The following DAB1 variants were observed in gnomAD, a reference collection of about 807,000 sequenced individuals.
The protein encoded by DAB1 is disabled homolog 1.
In DAB1, 15 loss-of-function variants were observed where a neutral mutation model predicts 64.6. The observed-to-expected ratio is 0.23, with a 90% CI of 0.16 to 0.36. DAB1 has a LOEUF of 0.36. DAB1 is among the 10% of genes least tolerant of loss of function. The probability of loss-of-function intolerance (pLI) is 1.00; values close to 1 mark genes in which losing one functional copy is unlikely to be tolerated. For missense variants in DAB1, 596 were observed against 706.7 expected (o/e 0.84, Z 1.78); for synonymous variants, 235 against 251.9 (o/e 0.93, Z 0.64).
chr1:57,277,329 G>T (rs1452155431), intron 2 of DAB1, among the ~76,000 whole-genome samples: 1 of 152,160 alleles, frequency 6.6e-6, no homozygotes, highest in African/African-American at 2.4e-5. Context: ...TAAACTGAGA[G>T]TAATATTTAA....
intron 1 of DAB1, among the ~76,000 whole-genome samples, chr1:57,422,819 G>A (rs943491361): frequency 2.2e-4 from 33 of 152,274 alleles, no homozygotes; most frequent in African/African-American, 7.7e-4. Context: ...GATCCCTTGT[G>A]CCCACTGCCC....
intron 7 of DAB1, among the ~76,000 whole-genome samples, chr1:57,550,258 A>G (rs892838473): frequency 3.9e-5 from 6 of 152,198 alleles, no homozygotes; most frequent in African/African-American, 1.4e-4. Flanking sequence ...TCAGTATTGC[A>G]TGCCATTCAC....
intron 1 of DAB1, among the ~76,000 whole-genome samples, chr1:57,423,461 G>C (rs1165882492): frequency 6.6e-6 from 1 of 152,006 alleles, no homozygotes; most frequent in South Asian, 2.1e-4. Flanking sequence ...AAGTGAGAAC[G>C]GGGTTCGGCC....
chr1:57,373,129 G>A (rs1014165526), intron 1 of DAB1, among the ~76,000 whole-genome samples: 6 of 152,326 alleles, frequency 3.9e-5, no homozygotes, highest in Middle Eastern at 3.4e-3. Context: ...AGGCTGCAGC[G>A]AGCTGTGCTT....
intron 3 of DAB1, among the ~76,000 whole-genome samples, chr1:58,478,463 T>C (rs1018905262): frequency 2.6e-5 from 4 of 152,150 alleles, no homozygotes; most frequent in African/African-American, 9.7e-5. Context: ...ATGCTTTAAG[T>C]ATATCATTTC....
chr1:57,197,046 G>A (rs896943341), intron 2 of DAB1, among the ~76,000 whole-genome samples: 3 of 152,134 alleles, frequency 2.0e-5, no homozygotes, highest in African/African-American at 2.4e-5. Flanking sequence ...CAGAAAGTTC[G>A]ATAACTTGGC....
intron 9 of DAB1, chr1:57,033,666 A>T (rs1479303205): frequency 3.9e-6 from 5 of 1,272,360 alleles, no homozygotes; most frequent in Non-Finnish European, 4.5e-6. Context: ...TCTATGGTTC[A>T]CACTTCCGTG....
At chr1:57,370,642 A>C (rs1680425247) in intron 1 of DAB1, among the ~76,000 whole-genome samples, 1 of 150,844 alleles carries the variant, frequency 6.6e-6, no homozygotes, top group South Asian at 2.1e-4. Context: ...GTAACCCTGG[A>C]GTGATTTCAT....
chr1:57,813,089 A>G (rs1173865275), intron 6 of DAB1, among the ~76,000 whole-genome samples: 1 of 152,262 alleles, frequency 6.6e-6, no homozygotes, highest in Non-Finnish European at 1.5e-5. Context: ...CATATATATC[A>G]TTATGTATTC....
At chr1:57,017,464 C>T (rs1646471330) in intron 11 of DAB1, among the ~76,000 whole-genome samples, 1 of 152,150 alleles carries the variant, frequency 6.6e-6, no homozygotes, top group Admixed American at 6.5e-5. Context: ...TGCCTCACTC[C>T]ATGCTCAAGT....
intron 1 of DAB1, among the ~76,000 whole-genome samples, chr1:58,536,162 G>A (rs17506467): frequency 0.12 from 17,692 of 152,060 alleles, 1,230 homozygotes; most frequent in African/African-American, 0.18. Context: ...AGCAATGGGC[G>A]CAACTACAAA....
At chr1:57,561,477 T>A (rs1645050898) in intron 7 of DAB1, among the ~76,000 whole-genome samples, 1 of 152,190 alleles carries the variant, frequency 6.6e-6, no homozygotes, top group Admixed American at 6.5e-5. Flanking sequence ...ATTGGAAAAT[T>A]GGTGACAAAG....
rs1043414234 is a variant in DAB1, at chr1:57,288,252, GA to G, written c.67+2711del. ...TCAAGAGCCCCTTGGGTATAAAACA[GA>G]ATAAGCAAAAATATCTATGCGATGG... On this transcript the variant is annotated intron_variant, in intron 2 of 14. Coordinates refer to ENST00000371236, the MANE Select transcript of DAB1 (RefSeq NM_001365792.1). Among the ~76,000 whole-genome samples the G allele has an allele frequency of 1.2e-3, 177 of 152,260 alleles. 1 individual carries two copies. Among genetic ancestry groups the G allele is most frequent in the African/African-American group, 4.1e-3 (171 of 41,556 alleles).
At chr1:58,048,807 A>G in intron 5 of DAB1, 1 of 1,098,152 alleles carries the variant, frequency 9.1e-7, no homozygotes, top group Non-Finnish European at 1.4e-6. Context: ...TCTGAATGAC[A>G]GTCTTATCCA....
intron 4 of DAB1, among the ~76,000 whole-genome samples, chr1:57,080,542 A>C (rs1057161688): frequency 6.6e-6 from 1 of 152,174 alleles, no homozygotes; most frequent in African/African-American, 2.4e-5. Context: ...TGCTATACAC[A>C]CACCAGTCTA....
chr1:57,839,813 G>T (rs753427306), intron 1 of DAB1, among the ~76,000 whole-genome samples: 9 of 152,192 alleles, frequency 5.9e-5, no homozygotes, highest in Admixed American at 1.3e-4. Context: ...AGTGGAAAAG[G>T]TTTTGCATTT....
chr1:57,473,361 AG>A (rs899912566), intron 7 of DAB1, among the ~76,000 whole-genome samples: 9 of 152,108 alleles, frequency 5.9e-5, no homozygotes, highest in African/African-American at 2.2e-4. Context: ...CCCTCCCTCA[AG>A]GGAAGGGCCC....
intron 3 of DAB1, among the ~76,000 whole-genome samples, chr1:58,494,963 T>A (rs1263302305): frequency 6.6e-6 from 1 of 152,168 alleles, no homozygotes; most frequent in Non-Finnish European, 1.5e-5. Context: ...TAAAGACACA[T>A]GCACACGTAT....
At chr1:57,373,526 G>A (rs1680662558) in intron 1 of DAB1, among the ~76,000 whole-genome samples, 1 of 152,096 alleles carries the variant, frequency 6.6e-6, no homozygotes, top group Non-Finnish European at 1.5e-5. Flanking sequence ...AAATAAAAGA[G>A]AATCATGCAT....
Sources: gnomAD v4.1 joint callset for allele counts (sites outside exome capture counted in the v4.1 genomes callset) on GRCh38, gnomAD v4.1.1 for gene constraint, MANE v1.5 for transcripts, NCBI Gene and HGNC (gene_info 2026-07-23, HGNC 2026-07-21) for gene names.